Variants in IGF2R observed in about 807,000 individuals in gnomAD.
The protein encoded by IGF2R is cation-independent mannose-6-phosphate receptor.
A neutral mutation model predicts 270.6 loss-of-function variants in IGF2R; 91 were observed. The ratio of observed to expected loss-of-function variants is 0.34; its 90% CI spans 0.28 to 0.40. The LOEUF (loss-of-function observed/expected upper bound fraction) is 0.40. Among genes scored for constraint, IGF2R ranks in the 10% least tolerant of loss-of-function variants. The pLI is 1.00. For synonymous variants in IGF2R, 1,316 were observed against 1,258.9 expected (o/e 1.05, Z -0.96); for missense variants, 2,805 against 3,188.3 (o/e 0.88, Z 2.90).
In IGF2R at chr6:160,047,211, G is replaced by T; in HGVS notation, c.2104G>T (p.Asp702Tyr). The change falls in exon 16 of 48, where the codon GAT (aspartate) becomes TAT (tyrosine). Residue 702 changes from aspartate to tyrosine, a missense_variant. Asp to Tyr is a radical substitution (Grantham distance 160, BLOSUM62 -3). Transcript: ENST00000356956. ...GAGTAATGCGAAGCTTTCATATTAT[G>T]ATGGGATGATCCAACTGAACTACAG... ...GLSNAKLSYY[D>Y]GMIQLNYRGG... is the part of the protein sequence containing the mutation. The T allele has an allele frequency of 6.2e-7, 1 of 1,614,148 alleles. No individual in the cohort carries two copies. Among genetic ancestry groups the T allele is most frequent in the Non-Finnish European group, 8.5e-7 (1 of 1,180,012 alleles).
intron 1 of IGF2R, among the ~76,000 whole-genome samples, chr6:159,990,181 G>A (rs1475477434): frequency 6.6e-6 from 1 of 152,176 alleles, no homozygotes; most frequent in African/African-American, 2.4e-5. Flanking sequence ...TGATTGGAAA[G>A]GCTATTACTA....
chr6:160,079,538 G>A (rs781264506), intron 37 of IGF2R, 42 bp from the exon 38 acceptor site: 2 of 1,344,040 alleles, frequency 1.5e-6, no homozygotes, highest in Admixed American at 3.2e-5. Context: ...TGAGACCTGG[G>A]TGCTGCCACT....
At chr6:160,083,905 C>T (rs1029185209) in intron 39 of IGF2R, 45 bp from the exon 40 acceptor site, 5 of 1,306,402 alleles carry the variant, frequency 3.8e-6, no homozygotes, top group Non-Finnish European at 5.6e-6. Flanking sequence ...TCTGCATAGA[C>T]ACAGTGACAG....
At chr6:160,036,756 A>G (rs1457031767) in intron 10 of IGF2R, among the ~76,000 whole-genome samples, 1 of 152,104 alleles carries the variant, frequency 6.6e-6, no homozygotes, top group Non-Finnish European at 1.5e-5. Flanking sequence ...CAAAGAACAG[A>G]AAGAAAGAAA....
chr6:160,106,535 A>G lies in IGF2R; in HGVS notation c.*1451A>G, dbSNP rs1393463651. ...ATATAAAGTATTCAACAATTTCAAT[A>G]AAAGATAAATTATTAATTGGGTGTT... On this transcript the variant is annotated 3_prime_UTR_variant, in exon 48 of 48. Transcript: ENST00000356956. 7.2e-5 allele frequency: 11 copies of G among 152,452 alleles called. No homozygotes were observed. In the East Asian group the frequency reaches 1.9e-3, roughly 27 times the overall value. 9.4% of individuals were successfully genotyped at this position (152,452 alleles called of 1,614,324 possible).
intron 1 of IGF2R, among the ~76,000 whole-genome samples, chr6:159,976,925 A>G (rs1212415574): frequency 6.6e-6 from 1 of 152,192 alleles, no homozygotes; most frequent in Non-Finnish European, 1.5e-5. Context: ...GGTGCTGTTC[A>G]GCTTTTCTTT....
At chr6:159,973,634 A>G (rs890437900) in intron 1 of IGF2R, among the ~76,000 whole-genome samples, 1 of 152,144 alleles carries the variant, frequency 6.6e-6, no homozygotes, top group Admixed American at 6.5e-5. Flanking sequence ...GTGTGTGTGC[A>G]TTTCAACAGT....
At chr6:160,026,183 C>T (rs1777557725) in intron 5 of IGF2R, among the ~76,000 whole-genome samples, 1 of 152,216 alleles carries the variant, frequency 6.6e-6, no homozygotes, top group Non-Finnish European at 1.5e-5. Flanking sequence ...ACTGAGTCCC[C>T]ATGAGGGCAA....
At chr6:160,096,835 G>A (rs1397164932) in intron 45 of IGF2R, among the ~76,000 whole-genome samples, 1 of 152,106 alleles carries the variant, frequency 6.6e-6, no homozygotes, top group Non-Finnish European at 1.5e-5. Flanking sequence ...CCATGGCTGC[G>A]TCACCTCCCA....
chr6:159,976,107 A>G (rs560365348), intron 1 of IGF2R, among the ~76,000 whole-genome samples: 1 of 152,218 alleles, frequency 6.6e-6, no homozygotes, highest in Non-Finnish European at 1.5e-5. Flanking sequence ...TTCACCAGTA[A>G]AACTATCTGG....
intron 2 of IGF2R, among the ~76,000 whole-genome samples, chr6:160,000,498 C>T (rs1464548750): frequency 6.6e-6 from 1 of 152,158 alleles, no homozygotes; most frequent in Non-Finnish European, 1.5e-5. Flanking sequence ...GATCACAATT[C>T]ATCATGAGAT....
Position 160,102,396 on chromosome 6 carries a change from TAAG to T in IGF2R, c.6843-120_6843-118del, listed in dbSNP as rs1562380324. ...TGTGGCCTTGTTTTCTGGGCAGGAG[TAAG>T]AATCACATGGTGTTGGGAAAGTCAG... is the stretch of plus-strand genomic sequence containing the variant. On this transcript the variant is annotated intron_variant, in intron 45 of 47. Coordinates refer to ENST00000356956, the MANE Select transcript of IGF2R (RefSeq NM_000876.4). The surrounding 1 kb of genome is among the most constrained non-coding windows in gnomAD (Gnocchi z 4.5). 1 of 1,077,732 alleles carries T rather than the reference TAAG, an allele frequency of 9.3e-7. No individual in the cohort carries two copies. The highest frequency in any genetic ancestry group is 1.6e-5 in the African/African-American group (1 of 63,274). The allele number at this position is 1,077,732 out of a possible 1,614,324, so 66.8% of individuals were successfully genotyped here. A position where few individuals can be genotyped will look rare whatever the true frequency, so the allele number is the denominator to read the frequency against.
chr6:160,075,783 A>G, intron 35 of IGF2R, 64 bp from the exon 36 acceptor site: 2 of 1,545,508 alleles, frequency 1.3e-6, no homozygotes, highest in South Asian at 1.2e-5. Flanking sequence ...ATCAATTCTT[A>G]ATTCCACTAA....
chr6:159,988,481 C>G (rs1401664862), intron 1 of IGF2R, among the ~76,000 whole-genome samples: 2 of 144,576 alleles, frequency 1.4e-5, no homozygotes, highest in Non-Finnish European at 3.0e-5. Context: ...CCACTGCACT[C>G]CAGCCTGGGC....
chr6:160,098,571 C>A (rs886239818), intron 45 of IGF2R, among the ~76,000 whole-genome samples: 1 of 152,132 alleles, frequency 6.6e-6, no homozygotes, highest in African/African-American at 2.4e-5. Flanking sequence ...GTAATCCCAA[C>A]ATTTTGGGAG....
At position 160,062,558 on chromosome 6, in the gene IGF2R, T is replaced by C; in HGVS notation, c.3609T>C (p.Asp1203=). Residue 1203 remains aspartate, a synonymous_variant, in exon 26 of 48, where the codon GAT becomes GAC. Coordinates refer to ENST00000356956, the MANE Select transcript of IGF2R (RefSeq NM_000876.4). The stretch of plus-strand genomic sequence containing the variant: ...GCTCACCAGCATTTCAGCTTCAGGA[T>C]GGTTGTGAGTACGTGTTTATCTGGA... ...ISGSPAFQLQ[D]GCEYVFIWRT... is the part of the protein sequence containing the mutation. The C allele has an allele frequency of 2.5e-6, 4 of 1,613,732 alleles. No individual in the cohort carries two copies. The highest frequency in any genetic ancestry group is 2.2e-5 in the East Asian group (1 of 44,894).
rs1037892169 is a variant in IGF2R, at chr6:160,084,520, T to C, written c.6068+336T>C. 1.3e-5 allele frequency among the ~76,000 whole-genome samples: 2 copies of C among 152,168 alleles called. No individual in the cohort carries two copies. The highest frequency in any genetic ancestry group is 2.9e-5 in the Non-Finnish European group (2 of 68,028). ...AGGCGTGTGGGTTTTCTCGGGTCTT[T>C]GGCAGGAGCTCCTTAGGCTTTGCTG... On this transcript the variant is annotated intron_variant, in intron 40 of 47. Coordinates refer to ENST00000356956, the MANE Select transcript of IGF2R (RefSeq NM_000876.4). This position sits in a 1 kb window ranked among gnomAD's most constrained non-coding sequence, Gnocchi z 4.6.
At chr6:159,986,588 A>G (rs12110696) in intron 1 of IGF2R, among the ~76,000 whole-genome samples, 1,555 of 152,164 alleles carry the variant, frequency 0.01, 25 homozygotes, top group African/African-American at 0.036. Flanking sequence ...TCTTTCAGAA[A>G]ATGTATTCAA....
chr6:160,027,557 T>C (rs1375091925), intron 6 of IGF2R, among the ~76,000 whole-genome samples: 1 of 152,268 alleles, frequency 6.6e-6, no homozygotes, highest in Non-Finnish European at 1.5e-5. Flanking sequence ...CAGTCCATAG[T>C]ACATACCTGT....
Sources: allele counts gnomAD v4.1 joint callset (sites outside exome capture counted in the v4.1 genomes callset), GRCh38; gene constraint gnomAD v4.1.1; non-coding constraint Gnocchi (gnomAD v3.1); transcripts MANE v1.5; gene names NCBI Gene and HGNC (gene_info 2026-07-23, HGNC 2026-07-21).